HOPX: variants seen among roughly 807,000 people sequenced by gnomAD.
HOPX encodes the protein HOP homeobox.
In HOPX, 5 loss-of-function variants were observed where a neutral mutation model predicts 11.8. That is an observed-to-expected ratio of 0.43 (90% CI 0.22 to 0.89). HOPX has a LOEUF of 0.89. HOPX is among the 40% of genes least tolerant of loss of function. HOPX has a pLI of 0.28. For missense variants in HOPX, 119 were observed against 120.0 expected (o/e 0.99, Z 0.04); for synonymous variants, 49 against 49.7 (o/e 0.99, Z 0.06).
chr4:56,657,491 G>A (rs7663088), intron 2 of HOPX, among the ~76,000 whole-genome samples: 79,466 of 151,984 alleles, frequency 0.52, 21,813 homozygotes, highest in African/African-American at 0.7. Context: ...TCCTAAATAA[G>A]TGTCTTTACC....
chr4:56,680,446 G>C (rs185426392), intron 1 of HOPX: 1 of 152,084 alleles, frequency 6.6e-6, no homozygotes, highest in East Asian at 1.9e-4. Flanking sequence ...GCCTGCCCTG[G>C]TTATACTTAA....
At chr4:56,670,539 G>A (rs114366231) in intron 1 of HOPX, among the ~76,000 whole-genome samples, 5 of 152,142 alleles carry the variant, frequency 3.3e-5, no homozygotes, top group Non-Finnish European at 5.9e-5. Context: ...TTTGGAGTAC[G>A]TTATTAATTT....
At chr4:56,669,704 A>C (rs1011655957) in intron 1 of HOPX, among the ~76,000 whole-genome samples, 6 of 145,444 alleles carry the variant, frequency 4.1e-5, no homozygotes, top group African/African-American at 1.0e-4. Flanking sequence ...AATAATAATA[A>C]CACCAGTACA....
Position 56,674,531 on chromosome 4 carries a change from C to T in HOPX, c.-84+6724G>A, listed in dbSNP as rs73818221. Among the ~76,000 whole-genome samples, 377 of 151,760 alleles carry T rather than the reference C, an allele frequency of 2.5e-3. 20 individuals are homozygous for T. Among genetic ancestry groups the T allele is most frequent in the African/African-American group, 8.4e-3 (346 of 41,028 alleles). On this transcript the variant is annotated intron_variant, in intron 1 of 3. Transcript: ENST00000420433. ...GACCTAACAGCCAAAATGACTGCCA[C>T]TGGTTTCCTGCCCAGTATACACTAA...
intron 1 of HOPX, chr4:56,664,679 T>C (rs1040228988): frequency 2.6e-5 from 4 of 152,268 alleles, no homozygotes; most frequent in Non-Finnish European, 4.4e-5. Flanking sequence ...GGGAGGGATG[T>C]GATATCTTAA....
At chr4:56,652,447 C>T (rs1030933989) in intron 3 of HOPX, among the ~76,000 whole-genome samples, 2 of 152,062 alleles carry the variant, frequency 1.3e-5, no homozygotes, top group African/African-American at 2.4e-5. Context: ...GACTCAGGCA[C>T]ATGAAACAAA....
intron 1 of HOPX, among the ~76,000 whole-genome samples, chr4:56,674,277 T>TA (rs1383936867): frequency 6.6e-6 from 1 of 151,698 alleles, no homozygotes; most frequent in East Asian, 1.9e-4. Flanking sequence ...GCCACTGAAT[T>TA]AAAGTTTTTT....
At chr4:56,672,034 C>T (rs140564442) in intron 1 of HOPX, among the ~76,000 whole-genome samples, 11 of 152,126 alleles carry the variant, frequency 7.2e-5, no homozygotes, top group African/African-American at 2.7e-4. Flanking sequence ...TATTAAGGTT[C>T]TAATCTAGCT....
Position 56,655,938 on chromosome 4 carries a change from G to T in HOPX, c.117C>A (p.Phe39Leu), listed in dbSNP as rs769284160. ...EDQVEILEYN[F>L]NKVDKHPDST... ...AATCCGGGTGCTTGTCGACCTTGTT[G>T]AAGTTGTACTCCAGGATTTCCACCT... Residue 39 changes from phenylalanine to leucine, a missense_variant, in exon 3 of 4, where the codon TTC becomes TTA. Coordinates refer to ENST00000420433, the MANE Select transcript of HOPX (RefSeq NM_032495.6). 62 of 1,611,758 alleles carry T rather than the reference G, an allele frequency of 3.8e-5. No individual in the cohort carries two copies. Among genetic ancestry groups the T allele is most frequent in the Non-Finnish European group, 5.1e-5 (60 of 1,179,084 alleles).
chr4:56,680,132 AAAT>A (rs777854999), intron 1 of HOPX: 2 of 152,306 alleles, frequency 1.3e-5, no homozygotes, highest in African/African-American at 2.4e-5. Flanking sequence ...AGTTAAAAAA[AAAT>A]AATAATAAGC....
chr4:56,667,556 C>G (rs577078133), intron 1 of HOPX, among the ~76,000 whole-genome samples: 2 of 152,280 alleles, frequency 1.3e-5, no homozygotes, highest in Non-Finnish European at 2.9e-5. Flanking sequence ...GAGGCCCAAG[C>G]ATAACTCAGT....
chr4:56,648,895 G>A (rs1716899037), intron 3 of HOPX, 98 bp from the exon 4 acceptor site: 2 of 896,014 alleles, frequency 2.2e-6, no homozygotes, highest in Admixed American at 2.1e-5. Flanking sequence ...CAAGTGGAAA[G>A]GAGAGAATCA....
chr4:56,679,722 C>T (rs936911517), intron 1 of HOPX: 3 of 152,236 alleles, frequency 2.0e-5, no homozygotes, highest in African/African-American at 7.2e-5. Flanking sequence ...AAGTGATCCG[C>T]TCACCTCGGC....
chr4:56,657,828 C>A lies in HOPX; in HGVS notation c.-12G>T. 1 of 1,528,884 alleles carries A rather than the reference C, an allele frequency of 6.5e-7. No homozygotes were observed. Among genetic ancestry groups the A allele is most frequent in the Non-Finnish European group, 8.9e-7 (1 of 1,126,040 alleles). 94.7% of individuals were successfully genotyped at this position (1,528,884 alleles called of 1,614,324 possible). ...AGGAAAATGAGCATAGGAAGACTAA[C>A]TTTCTGAATGTTGCCCAGCTGGTGA... On this transcript the variant is annotated 5_prime_UTR_variant, in exon 2 of 4. Transcript: ENST00000420433.
At position 56,669,823 on chromosome 4, in the gene HOPX, T is replaced by C. The variant is rs76965217; in HGVS notation, c.-84+11432A>G. On this transcript the variant is annotated intron_variant, in intron 1 of 3. Coordinates refer to ENST00000420433, the MANE Select transcript of HOPX (RefSeq NM_032495.6). ...GTAGAGAATAGTAAAAATGCCCCGG[T>C]TGCACCTAGGTATCACTGTTGCTGT... 7.1e-3 allele frequency among the ~76,000 whole-genome samples: 1,085 copies of C among 152,258 alleles called. 8 individuals are homozygous for C. The highest frequency in any genetic ancestry group is 0.011 in the Non-Finnish European group (726 of 68,026).
intron 1 of HOPX, chr4:56,680,218 G>C (rs1208879470): frequency 1.3e-5 from 2 of 152,126 alleles, no homozygotes; most frequent in African/African-American, 4.8e-5. Context: ...GTTGGGGTGT[G>C]GGGTGGAAGG....
chr4:56,653,629 G>C (rs1380871687), intron 3 of HOPX, among the ~76,000 whole-genome samples: 1 of 152,272 alleles, frequency 6.6e-6, no homozygotes, highest in East Asian at 1.9e-4. Flanking sequence ...CAGGAAGACA[G>C]AGGGGCAAGC....
At chr4:56,678,027 C>T (rs1251224268) in intron 1 of HOPX, among the ~76,000 whole-genome samples, 1 of 151,700 alleles carries the variant, frequency 6.6e-6, no homozygotes, top group Admixed American at 6.5e-5. Context: ...CTCATTAGCA[C>T]AATCCTTTAA....
intron 1 of HOPX, among the ~76,000 whole-genome samples, chr4:56,660,883 C>T (rs1265062826): frequency 3.9e-5 from 6 of 152,178 alleles, no homozygotes; most frequent in Non-Finnish European, 8.8e-5. Flanking sequence ...GGAGTCCCAT[C>T]CCCTTGCTGA....
Sources: gnomAD v4.1 joint callset for allele counts (sites outside exome capture counted in the v4.1 genomes callset) on GRCh38, gnomAD v4.1.1 for gene constraint, MANE v1.5 for transcripts, NCBI Gene and HGNC (gene_info 2026-07-23, HGNC 2026-07-21) for gene names.